Variants in ZEB2 observed in about 807,000 individuals in gnomAD.
The protein encoded by ZEB2 is zinc finger E-box binding homeobox 2.
ZEB2 carries 6 observed loss-of-function variants against 99.9 expected under a neutral mutation model. That is an observed-to-expected ratio of 0.06 (90% confidence interval 0.03 to 0.12). ZEB2 has a LOEUF of 0.12. Among genes scored for constraint, ZEB2 ranks in the 10% least tolerant of loss-of-function variants. ZEB2 has a pLI of 1.00. For synonymous variants in ZEB2, 517 were observed against 542.5 expected (o/e 0.95, Z 0.65); for missense variants, 969 against 1,502.8 (o/e 0.64, Z 5.87).
intron 2 of ZEB2, among the ~76,000 whole-genome samples, chr2:144,440,505 ATATATATATATTTTTTTTTTTTTTTT>A (rs541618302): frequency 0.04 from 629 of 15,642 alleles, 6 homozygotes; most frequent in Admixed American, 0.19. Flanking sequence ...ATATATATAT[ATATATATATATTTTTTTTTTTTTTTT>A]TTTTTTTTTT....
Position 144,413,356 on chromosome 2 carries a change from C to A in ZEB2, c.404-8332G>T, listed in dbSNP as rs746435143. 1.4e-4 allele frequency among the ~76,000 whole-genome samples: 21 copies of A among 152,196 alleles called. 1 individual carries two copies. Among genetic ancestry groups the A allele is most frequent in the Non-Finnish European group, 2.9e-4 (20 of 68,036 alleles). ...AAATATCAGTTATTTCTTGTGGGAACACTTGCTGTGAAGTGAAGATAGCTG... is the reference window on the plus strand; with the variant it reads ...AAATATCAGTTATTTCTTGTGGGAAAACTTGCTGTGAAGTGAAGATAGCTG... On this transcript the variant is annotated intron_variant, in intron 4 of 9. Coordinates refer to ENST00000627532, the MANE Select transcript of ZEB2 (RefSeq NM_014795.4).
intron 2 of ZEB2, among the ~76,000 whole-genome samples, chr2:144,442,821 T>A (rs1006754616): frequency 1.4e-4 from 22 of 152,152 alleles, no homozygotes; most frequent in East Asian, 5.8e-4. Flanking sequence ...TAAGTTTTTT[T>A]AAAAAATCTG....
chr2:144,441,818 G>C (rs1163368203), intron 2 of ZEB2, among the ~76,000 whole-genome samples: 1 of 152,196 alleles, frequency 6.6e-6, no homozygotes, highest in Non-Finnish European at 1.5e-5. Context: ...GTTTGAAAGT[G>C]ACTATAAATT....
intron 2 of ZEB2, among the ~76,000 whole-genome samples, chr2:144,433,034 G>T (rs1274148274): frequency 6.6e-6 from 1 of 152,132 alleles, no homozygotes; most frequent in Non-Finnish European, 1.5e-5. Context: ...CCCTTTGCAT[G>T]AGTCTCAGCA....
chr2:144,460,919 T>C (rs747099315), intron 2 of ZEB2, among the ~76,000 whole-genome samples: 1 of 152,088 alleles, frequency 6.6e-6, no homozygotes, highest in African/African-American at 2.4e-5. Flanking sequence ...TTGTTTGATG[T>C]ACTGTCTTAT....
At chr2:144,423,209 T>C (rs1703643753) in intron 4 of ZEB2, among the ~76,000 whole-genome samples, 1 of 152,186 alleles carries the variant, frequency 6.6e-6, no homozygotes. Context: ...AGCTAGTAAA[T>C]TGTTACTTTG....
intron 2 of ZEB2, among the ~76,000 whole-genome samples, chr2:144,440,440 T>C (rs940237350): frequency 1.3e-5 from 2 of 150,064 alleles, no homozygotes; most frequent in African/African-American, 2.5e-5. Flanking sequence ...ATCCATTTTA[T>C]GGAATTATCC....
At chr2:144,483,085 CAG>C (rs960967965) in intron 2 of ZEB2, among the ~76,000 whole-genome samples, 3 of 147,522 alleles carry the variant, frequency 2.0e-5, no homozygotes, top group African/African-American at 5.1e-5. Flanking sequence ...TTGTTCATGA[CAG>C]AGAGAGAGAA....
chr2:144,513,131 C>T, intron 2 of ZEB2: 2 of 1,285,874 alleles, frequency 1.6e-6, no homozygotes, highest in African/African-American at 1.5e-5. Context: ...GGGTTGACTG[C>T]ATTTTCTTTC....
intron 9 of ZEB2, among the ~76,000 whole-genome samples, chr2:144,395,396 CATATTGAA>C (rs1426228760): frequency 6.6e-6 from 1 of 151,922 alleles, no homozygotes; most frequent in Non-Finnish European, 1.5e-5. Flanking sequence ...TTTTTTCCTC[CATATTGAA>C]ATGTTTGATA....
chr2:144,454,350 C>T (rs930310551), intron 2 of ZEB2, among the ~76,000 whole-genome samples: 2 of 152,128 alleles, frequency 1.3e-5, no homozygotes, highest in African/African-American at 4.8e-5. Context: ...CAATTACAAA[C>T]TATAAACAGA....
At chr2:144,411,272 T>A (rs2149882738) in intron 4 of ZEB2, among the ~76,000 whole-genome samples, 1 of 151,960 alleles carries the variant, frequency 6.6e-6, no homozygotes, top group Middle Eastern at 3.4e-3. Flanking sequence ...TCTAGGTAAC[T>A]GTATTTATCA....
At chr2:144,489,298 G>A (rs1464165134) in intron 2 of ZEB2, among the ~76,000 whole-genome samples, 1 of 152,038 alleles carries the variant, frequency 6.6e-6, no homozygotes, top group African/African-American at 2.4e-5. Flanking sequence ...GATTTTTTCA[G>A]ACCCCCTTTA....
chr2:144,436,614 G>A (rs534480965), intron 2 of ZEB2, among the ~76,000 whole-genome samples: 1 of 152,152 alleles, frequency 6.6e-6, no homozygotes, highest in Non-Finnish European at 1.5e-5. Flanking sequence ...AGGTTCCCTG[G>A]TACCTGGGAG....
At chr2:144,426,646 G>T (rs567053881) in intron 3 of ZEB2, 31 of 152,196 alleles carry the variant, frequency 2.0e-4, no homozygotes, top group African/African-American at 7.5e-4. Context: ...GTATACAAAT[G>T]TGTAGTCAGC....
intron 2 of ZEB2, among the ~76,000 whole-genome samples, chr2:144,493,683 C>T (rs1704714847): frequency 6.6e-6 from 1 of 152,144 alleles, no homozygotes; most frequent in Admixed American, 6.5e-5. Flanking sequence ...TAGCAGACAG[C>T]ACATGCAGAG....
intron 2 of ZEB2, among the ~76,000 whole-genome samples, chr2:144,452,700 C>T (rs1427588215): frequency 1.3e-5 from 2 of 152,112 alleles, no homozygotes; most frequent in Non-Finnish European, 2.9e-5. Flanking sequence ...TCTCACCCCC[C>T]TGTCTTTTGT....
intron 2 of ZEB2, among the ~76,000 whole-genome samples, chr2:144,456,440 T>C (rs1054742078): frequency 6.6e-6 from 1 of 152,168 alleles, no homozygotes; most frequent in African/African-American, 2.4e-5. Context: ...TTCTTTCATT[T>C]CAATTTTCTT....
chr2:144,417,087 G>A (rs554422464), intron 4 of ZEB2, among the ~76,000 whole-genome samples: 7 of 152,168 alleles, frequency 4.6e-5, no homozygotes, highest in South Asian at 2.1e-4. Context: ...TAATGACAGT[G>A]ACTCTTCTTT....
Sources: gnomAD v4.1 joint callset for allele counts (sites outside exome capture counted in the v4.1 genomes callset) on GRCh38, gnomAD v4.1.1 for gene constraint, MANE v1.5 for transcripts, NCBI Gene and HGNC (gene_info 2026-07-23, HGNC 2026-07-21) for gene names.